GPC6: variants seen among roughly 807,000 people sequenced by gnomAD.
GPC6 encodes the protein glypican 6.
Under a neutral mutation model 55.2 loss-of-function variants are expected in GPC6, and 14 were observed. That is an observed-to-expected ratio of 0.25 (90% CI 0.17 to 0.40). GPC6 has a LOEUF of 0.40. Ranked by LOEUF, GPC6 falls within the 10% of genes least tolerant of loss-of-function variation. The pLI is 1.00. For synonymous variants in GPC6, 278 were observed against 259.6 expected (o/e 1.07, Z -0.68); for missense variants, 641 against 708.5 (o/e 0.90, Z 1.08).
At chr13:93,529,353 C>A (rs189734439) in intron 1 of GPC6, among the ~76,000 whole-genome samples, 126 of 151,936 alleles carry the variant, frequency 8.3e-4, no homozygotes, top group Non-Finnish European at 1.5e-3. Context: ...GGCAGAATTA[C>A]AATTAAAAAG....
chr13:93,666,263 A>C (rs186500053), intron 2 of GPC6, among the ~76,000 whole-genome samples: 1 of 152,170 alleles, frequency 6.6e-6, no homozygotes, highest in Non-Finnish European at 1.5e-5. Flanking sequence ...TCTTGCCACA[A>C]ATTTCCCAAT....
intron 3 of GPC6, among the ~76,000 whole-genome samples, chr13:93,928,902 G>T (rs1878006549): frequency 8.2e-6 from 1 of 122,116 alleles, no homozygotes; most frequent in Non-Finnish European, 1.7e-5. Flanking sequence ...CATCTATATA[G>T]TAGGTGTGTG....
chr13:93,319,854 A>G (rs1209132063), intron 1 of GPC6, among the ~76,000 whole-genome samples: 1 of 152,028 alleles, frequency 6.6e-6, no homozygotes, highest in East Asian at 1.9e-4. Flanking sequence ...CTTCATATAC[A>G]ACATATGAAG....
Position 93,821,179 on chromosome 13 carries a change from A to G in GPC6, c.320-8975A>G, listed in dbSNP as rs183675891. Among the ~76,000 whole-genome samples the G allele has an allele frequency of 1.7e-3, 258 of 152,300 alleles. 2 individuals carry two copies. The highest frequency in any genetic ancestry group is 5.7e-3 in the African/African-American group (235 of 41,568). ...ATACCACATAAAGTCTCTGTGATATATCATCTTTTGTTGTTGGTTTTTTTC... is the reference window on the plus strand; with the variant it reads ...ATACCACATAAAGTCTCTGTGATATGTCATCTTTTGTTGTTGGTTTTTTTC... On this transcript the variant is annotated intron_variant, in intron 2 of 8. Coordinates refer to ENST00000377047, the MANE Select transcript of GPC6 (RefSeq NM_005708.5).
At position 94,151,601 on chromosome 13, in the gene GPC6, C is replaced by T. The variant is rs561703580; in HGVS notation, c.877+123707C>T. 2.0e-5 allele frequency among the ~76,000 whole-genome samples: 3 copies of T among 152,096 alleles called. No individual in the cohort carries two copies. In the South Asian group the frequency reaches 6.2e-4, roughly 32 times the overall value. ...GAAAAGCAAAAATAGAAGGATCCAC[C>T]AAACACTGCAAGTCATGGAAACTAT... On this transcript the variant is annotated intron_variant, in intron 4 of 8. Transcript: ENST00000377047.
intron 2 of GPC6, among the ~76,000 whole-genome samples, chr13:93,599,168 T>C (rs187248701): frequency 1.3e-5 from 2 of 152,292 alleles, no homozygotes; most frequent in Non-Finnish European, 2.9e-5. Context: ...CCAGCAATCT[T>C]TGCTGAATAT....
chr13:94,044,660 T>C (rs980107108), intron 4 of GPC6, among the ~76,000 whole-genome samples: 2 of 151,842 alleles, frequency 1.3e-5, no homozygotes, highest in Non-Finnish European at 2.9e-5. Context: ...GATTTTAGAG[T>C]CAAAAGATAA....
chr13:94,341,395 GC>G (rs1878027017), intron 6 of GPC6, among the ~76,000 whole-genome samples: 1 of 152,050 alleles, frequency 6.6e-6, no homozygotes, highest in Non-Finnish European at 1.5e-5. Context: ...GACCAGCCTG[GC>G]CAACATGGTG....
intron 5 of GPC6, 56 bp downstream of exon 5, chr13:94,286,535 C>A (rs778505816): frequency 1.3e-5 from 19 of 1,481,120 alleles, no homozygotes; most frequent in Non-Finnish European, 1.6e-5. Context: ...GGTGCAATAA[C>A]CTAAAAACGA....
chr13:94,062,681 GAC>G lies in GPC6; in HGVS notation c.877+34793_877+34794del, dbSNP rs563901638. ...AAATAAGGCTAAATTGTTTATGGAA[GAC>G]ACACATTCTTCAACACATATATTGA... is the stretch of plus-strand genomic sequence containing the variant. On this transcript the variant is annotated intron_variant, in intron 4 of 8. Coordinates refer to ENST00000377047, the MANE Select transcript of GPC6 (RefSeq NM_005708.5). Among the ~76,000 whole-genome samples, 105 of 152,224 alleles carry G rather than the reference GAC, an allele frequency of 6.9e-4. No individual in the cohort carries two copies. In the Middle Eastern group the frequency reaches 0.01, roughly 15 times the overall value.
intron 3 of GPC6, among the ~76,000 whole-genome samples, chr13:94,002,985 TAAAAG>T: frequency 6.6e-6 from 1 of 152,256 alleles, no homozygotes; most frequent in African/African-American, 2.4e-5. Flanking sequence ...TTCAGACAGT[TAAAAG>T]AAATCAACAG....
intron 6 of GPC6, among the ~76,000 whole-genome samples, chr13:94,348,540 C>T (rs549828133): frequency 6.6e-6 from 1 of 152,302 alleles, no homozygotes; most frequent in South Asian, 2.1e-4. Flanking sequence ...ATTCCTGTTC[C>T]TATATCTTTG....
intron 4 of GPC6, among the ~76,000 whole-genome samples, chr13:94,128,683 G>A (rs1461110225): frequency 2.0e-5 from 3 of 152,124 alleles, no homozygotes; most frequent in Non-Finnish European, 2.9e-5. Context: ...CTAACCACAA[G>A]AGAGCCAGAA....
intron 3 of GPC6, among the ~76,000 whole-genome samples, chr13:93,873,530 T>C (rs1039220553): frequency 1.3e-5 from 2 of 151,846 alleles, no homozygotes; most frequent in Non-Finnish European, 2.9e-5. Context: ...GTGCTATTGG[T>C]ATCATTTGGG....
chr13:93,619,133 A>C (rs1272888159), intron 2 of GPC6, among the ~76,000 whole-genome samples: 1 of 152,146 alleles, frequency 6.6e-6, no homozygotes, highest in Non-Finnish European at 1.5e-5. Flanking sequence ...GTGGTACATG[A>C]CTGTATATCT....
chr13:93,655,003 A>ATTTTTTTTTTTTTTTTTTT, intron 2 of GPC6, among the ~76,000 whole-genome samples: 1 of 104,756 alleles, frequency 9.5e-6, no homozygotes, highest in Non-Finnish European at 1.8e-5. Flanking sequence ...TGCCCGGCTA[A>ATTTTTTTTTTTTTTTTTTT]TTTTTTTTTT....
At chr13:93,783,061 G>T (rs952117451) in intron 2 of GPC6, among the ~76,000 whole-genome samples, 15 of 152,182 alleles carry the variant, frequency 9.9e-5, no homozygotes, top group African/African-American at 3.6e-4. Context: ...TTATAAGTGA[G>T]AACATACAGT....
intron 1 of GPC6, among the ~76,000 whole-genome samples, chr13:93,285,154 A>C (rs1878068738): frequency 6.6e-6 from 1 of 152,160 alleles, no homozygotes; most frequent in Non-Finnish European, 1.5e-5. Flanking sequence ...GAGTTCTGTT[A>C]TGCACGTTAG....
intron 1 of GPC6, among the ~76,000 whole-genome samples, chr13:93,407,042 G>A (rs571784313): frequency 6.6e-6 from 1 of 152,226 alleles, no homozygotes; most frequent in South Asian, 2.1e-4. Context: ...TGTTAAGGTT[G>A]CATCAATGTT....
Sources: allele counts gnomAD v4.1 joint callset (sites outside exome capture counted in the v4.1 genomes callset), GRCh38; gene constraint gnomAD v4.1.1; transcripts MANE v1.5; gene names NCBI Gene and HGNC (gene_info 2026-07-23, HGNC 2026-07-21).